BAD: variants seen among roughly 807,000 people sequenced by gnomAD.
BAD encodes the protein bcl2-associated agonist of cell death.
BAD carries 18 observed loss-of-function variants against 17.8 expected under a neutral mutation model. The observed-to-expected ratio is 1.01, with a 90% confidence interval of 0.70 to 1.50. The LOEUF (loss-of-function observed/expected upper bound fraction) is 1.50, where lower values mean the gene tolerates loss of function less well. Ranked by LOEUF, BAD falls within the 40% of genes most tolerant of loss-of-function variation. The pLI, the probability that BAD is intolerant of heterozygous loss-of-function variation, is 0.00. For missense variants in BAD, 294 were observed against 239.3 expected (o/e 1.23, Z -1.51); for synonymous variants, 112 against 91.5 (o/e 1.22, Z -1.28).
At chr11:64,274,841 C>T (rs1763296451) in intron 2 of BAD, among the ~76,000 whole-genome samples, 1 of 151,134 alleles carries the variant, frequency 6.6e-6, no homozygotes, top group Non-Finnish European at 1.5e-5. Context: ...AGAAACTAGC[C>T]AGGCATGGTG....
chr11:64,283,124 G>A (rs1591181080), intron 2 of BAD, among the ~76,000 whole-genome samples: 1 of 152,178 alleles, frequency 6.6e-6, no homozygotes, highest in East Asian at 1.9e-4. Flanking sequence ...TCGAGTGTGG[G>A]TGTTTATCCG....
intron 2 of BAD, among the ~76,000 whole-genome samples, chr11:64,273,163 G>A (rs2032768484): frequency 6.6e-6 from 1 of 152,050 alleles, no homozygotes; most frequent in Non-Finnish European, 1.5e-5. Context: ...GAGGTCAGAA[G>A]TTCGAGACCA....
chr11:64,270,543 C>A (rs375270368), intron 3 of BAD: 2 of 752,250 alleles, frequency 2.7e-6, no homozygotes, highest in East Asian at 5.4e-5. Flanking sequence ...ATCCCAGGAA[C>A]TCCGTGCCGG....
rs1320675975 is a variant in BAD, at chr11:64,269,862, G to A, written c.*347C>T. ...CAGACGCGGGCTTTATTAACATTTG[G>A]TAGTGAGCACGGCCCCCAGGGCATC... On this transcript the variant is annotated 3_prime_UTR_variant, in exon 4 of 4. Transcript: ENST00000309032. 2 of 697,988 alleles carry A rather than the reference G, an allele frequency of 2.9e-6. No individual in the cohort carries two copies. Among genetic ancestry groups the A allele is most frequent in the Non-Finnish European group, 5.2e-6 (2 of 383,926 alleles). 43.2% of individuals were successfully genotyped at this position (697,988 alleles called of 1,614,324 possible). A position where few individuals can be genotyped will look rare whatever the true frequency, so the allele number is the denominator to read the frequency against.
intron 2 of BAD, among the ~76,000 whole-genome samples, chr11:64,277,595 G>T (rs1046168876): frequency 1.3e-5 from 2 of 152,038 alleles, no homozygotes; most frequent in Non-Finnish European, 2.9e-5. Context: ...CACCATGCCC[G>T]GCTAATTTTT....
chr11:64,280,754 A>G (rs1591171878), intron 2 of BAD, among the ~76,000 whole-genome samples: 1 of 140,710 alleles, frequency 7.1e-6, no homozygotes, highest in African/African-American at 2.7e-5. Flanking sequence ...TGCGACCTCC[A>G]CCTCCTGGGT....
chr11:64,284,267 G>T lies in BAD; in HGVS notation c.102C>A (p.Ser34=). The change falls in exon 2 of 4, where the codon TCC becomes TCA. Residue 34 remains serine, a synonymous_variant. Transcript: ENST00000309032. ...CTGGGGCCTGGCGATGATGCTTGCC[G>T]GAGCCTGAGGGCCCGTCCCCTGCGG... is the stretch of plus-strand genomic sequence containing the variant. The part of the protein sequence containing the change: ...PSPAGDGPSG[S]GKHHRQAPGL... The T allele has an allele frequency of 1.2e-6, 2 of 1,611,318 alleles. No homozygotes were observed.
chr11:64,271,802 G>A lies in BAD; in HGVS notation c.189C>T (p.Gly63=), dbSNP rs754351648. The change falls in exon 3 of 4, where the codon GGC becomes GGT. Residue 63 remains glycine, a splice_region_variant and synonymous_variant. Coordinates refer to ENST00000309032, the MANE Select transcript of BAD (RefSeq NM_032989.3). ...GACTCCGGATCTCCACAGCCCCAGC[G>A]CCTGCAGAGGGTCAGTGGGTAGGGG... ...EQPTSSSHHG[G]AGAVEIRSRH... is the part of the protein sequence containing the mutation. 1 of 1,400,468 alleles carries A rather than the reference G, an allele frequency of 7.1e-7. No individual in the cohort carries two copies. Among genetic ancestry groups the A allele is most frequent in the Non-Finnish European group, 9.3e-7 (1 of 1,075,756 alleles). The allele number at this position is 1,400,468 out of a possible 1,614,324, so 86.8% of individuals were successfully genotyped here.
chr11:64,283,216 A>G (rs1321650714), intron 2 of BAD, among the ~76,000 whole-genome samples: 1 of 152,202 alleles, frequency 6.6e-6, no homozygotes, highest in Admixed American at 6.6e-5. Context: ...GCAGTGCCAG[A>G]GTGACATGAC....
chr11:64,284,219 G>C lies in BAD; in HGVS notation c.150C>G (p.His50Gln). 1.9e-6 allele frequency: 3 copies of C among 1,605,156 alleles called. No homozygotes were observed. Among genetic ancestry groups the C allele is most frequent in the Admixed American group, 1.7e-5 (1 of 59,198 alleles). Residue 50 changes from histidine (H) to glutamine (Q), a missense_variant, in exon 2 of 4, where the codon CAC (histidine) becomes CAG (glutamine). Transcript: ENST00000309032. ...QAPGLLWDAS[H>Q]QQEQPTSSSH... ...TGCTGCTGGTTGGCTGCTCCTGCTG[G>C]TGACTGGCGTCCCACAGGAGGCCTG...
chr11:64,271,547 C>A, intron 3 of BAD, 66 bp downstream of exon 3: 2 of 1,361,426 alleles, frequency 1.5e-6, no homozygotes, highest in Non-Finnish European at 9.5e-7. Flanking sequence ...TGGGACAAGG[C>A]AGGGACAGAC....
chr11:64,270,086 C>T lies in BAD; in HGVS notation c.*123G>A, dbSNP rs764576103. The stretch of plus-strand genomic sequence containing the variant: ...CGGAAGGGAATCTGGGTCAGCCCTC[C>T]CTCCAAAGGAGACAGCACGGATCCT... On this transcript the variant is annotated 3_prime_UTR_variant, in exon 4 of 4. Transcript: ENST00000309032. 1.3e-6 allele frequency: 2 copies of T among 1,492,534 alleles called. No homozygotes were observed. The highest frequency in any genetic ancestry group is 2.4e-5 in the South Asian group (2 of 83,850). 92.5% of individuals were successfully genotyped at this position (1,492,534 alleles called of 1,614,324 possible).
intron 2 of BAD, among the ~76,000 whole-genome samples, chr11:64,279,611 CA>C (rs1334352045): frequency 6.6e-6 from 1 of 151,390 alleles, no homozygotes; most frequent in Non-Finnish European, 1.5e-5. Flanking sequence ...ACTAAAAACA[CA>C]AAAATTAGCT....
chr11:64,279,778 A>AC (rs2033315707), intron 2 of BAD, among the ~76,000 whole-genome samples: 1 of 151,148 alleles, frequency 6.6e-6, no homozygotes, highest in Non-Finnish European at 1.5e-5. Context: ...AAAAAAAAAA[A>AC]AAAAAATCCC....
chr11:64,275,329 A>G lies in BAD; in HGVS notation c.188-3526T>C, dbSNP rs149755145. ...ACTGACGGAACAGGCCTGTCTGCAG[A>G]GTAATTTCCAGTTCTGTGGTGCGGT... On this transcript the variant is annotated intron_variant, in intron 2 of 3. Transcript: ENST00000309032. 2.3e-3 allele frequency among the ~76,000 whole-genome samples: 356 copies of G among 152,322 alleles called. 1 individual carries two copies. The highest frequency in any genetic ancestry group is 4.4e-3 in the Non-Finnish European group (298 of 68,020).
chr11:64,275,224 C>A (rs767903915), intron 2 of BAD, among the ~76,000 whole-genome samples: 9 of 151,170 alleles, frequency 6.0e-5, no homozygotes, highest in Non-Finnish European at 1.2e-4. Context: ...CCAGGCGTGG[C>A]GGCTCATGCC....
chr11:64,270,668 G>C lies in BAD; in HGVS notation c.379-331C>G, dbSNP rs1210457906. The C allele has an allele frequency of 5.2e-6, 3 of 571,656 alleles. No homozygotes were observed. The East Asian group carries it at 1.2e-4, about 23-fold the overall frequency. 35.4% of individuals were successfully genotyped at this position (571,656 alleles called of 1,614,324 possible). ...CAAAGGGCCGGGAGCGATGGTGAGC[G>C]CCTGTAATCCCAGCACTTTGGGAGG... On this transcript the variant is annotated intron_variant, in intron 3 of 3. Transcript: ENST00000309032.
In BAD at chr11:64,284,654, T is replaced by C. The variant is rs576112604; in HGVS notation, c.-32A>G. 168 of 1,533,778 alleles carry C rather than the reference T, an allele frequency of 1.1e-4. No individual in the cohort carries two copies. In the African/African-American group the frequency reaches 1.9e-3, roughly 17 times the overall value. On this transcript the variant is annotated 5_prime_UTR_variant, in exon 1 of 4. Transcript: ENST00000309032. The stretch of plus-strand genomic sequence containing the variant: ...ACCCCAAGCCCGATCTCGAGGCCCC[T>C]GACCCGGGCCTGCCGCCTCCCTCCA...
chr11:64,271,467 T>C (rs1291568192), intron 3 of BAD, 146 bp downstream of exon 3: 5 of 801,802 alleles, frequency 6.2e-6, no homozygotes, highest in Middle Eastern at 4.1e-4. Flanking sequence ...AATCCCAGAA[T>C]GCTCTGGAGC....
Sources: allele counts gnomAD v4.1 joint callset (sites outside exome capture counted in the v4.1 genomes callset), GRCh38; gene constraint gnomAD v4.1.1; transcripts MANE v1.5; gene names NCBI Gene and HGNC (gene_info 2026-07-23, HGNC 2026-07-21).